The following THEMIS variants were observed in gnomAD, a reference collection of about 807,000 sequenced individuals.
THEMIS encodes protein THEMIS.
A neutral mutation model predicts 52.6 loss-of-function variants in THEMIS; 37 were observed. The ratio of observed to expected loss-of-function variants is 0.70; its 90% CI spans 0.54 to 0.93. THEMIS has a LOEUF of 0.93. Ranked by LOEUF, THEMIS falls within the 40% of genes least tolerant of loss-of-function variation. THEMIS has a pLI of 0.00. For synonymous variants in THEMIS, 292 were observed against 272.7 expected, an observed-to-expected ratio of 1.07 and a Z score of -0.70; for missense variants, 808 against 763.1, an observed-to-expected ratio of 1.06 and a Z score of -0.69.
intron 3 of THEMIS, among the ~76,000 whole-genome samples, chr6:127,824,925 A>AAAACAAACAAACAAAC (rs57655447): frequency 4.0e-5 from 6 of 151,214 alleles, no homozygotes; most frequent in South Asian, 2.1e-4. Flanking sequence ...ACTCCGTCTC[A>AAAACAAACAAACAAAC]AAACAAACAA....
chr6:127,765,528 A>C (rs1310250259), intron 4 of THEMIS, among the ~76,000 whole-genome samples: 1 of 152,280 alleles, frequency 6.6e-6, no homozygotes, highest in South Asian at 2.1e-4. Flanking sequence ...GCCAAATGTA[A>C]GGAACTACTA....
the THEMIS span, among the ~76,000 whole-genome samples, chr6:127,700,083 T>C: frequency 5.0e-4 from 76 of 151,940 alleles, no homozygotes; most frequent in African/African-American, 1.7e-3. Flanking sequence ...TTAATATTTA[T>C]ATACATATTT....
intron 4 of THEMIS, among the ~76,000 whole-genome samples, chr6:127,771,748 A>G (rs1333859216): frequency 6.6e-6 from 1 of 152,142 alleles, no homozygotes; most frequent in Admixed American, 6.5e-5. Flanking sequence ...CAAAGATGGG[A>G]TTATTTCAAG....
intron 5 of THEMIS, among the ~76,000 whole-genome samples, chr6:127,719,314 G>A (rs1583195493): frequency 6.6e-6 from 1 of 151,766 alleles, no homozygotes; most frequent in East Asian, 1.9e-4. Flanking sequence ...CTTATCTGAC[G>A]CTTCTTTAAA....
chr6:127,890,001 T>C (rs1780755289), intron 1 of THEMIS, among the ~76,000 whole-genome samples: 1 of 152,136 alleles, frequency 6.6e-6, no homozygotes, highest in Non-Finnish European at 1.5e-5. Context: ...CTTGTCATTG[T>C]CTGCGTACAA....
the THEMIS span, among the ~76,000 whole-genome samples, chr6:127,700,726 C>G: frequency 6.6e-6 from 1 of 152,016 alleles, no homozygotes; most frequent in Non-Finnish European, 1.5e-5. Flanking sequence ...AAACTGCACA[C>G]AGGGGATTCT....
intron 4 of THEMIS, among the ~76,000 whole-genome samples, chr6:127,783,658 G>C (rs561776535): frequency 5.3e-5 from 8 of 152,204 alleles, no homozygotes; most frequent in Non-Finnish European, 7.3e-5. Context: ...ATGGTGATTA[G>C]AGAAATGCAA....
intron 4 of THEMIS, among the ~76,000 whole-genome samples, chr6:127,732,520 C>G (rs1348650607): frequency 6.6e-6 from 1 of 152,100 alleles, no homozygotes; most frequent in Non-Finnish European, 1.5e-5. Flanking sequence ...ATTAGTAATC[C>G]CAGCAGCTCC....
intron 4 of THEMIS, among the ~76,000 whole-genome samples, chr6:127,786,441 G>T (rs1203133658): frequency 6.6e-6 from 1 of 152,006 alleles, no homozygotes; most frequent in Admixed American, 6.6e-5. Context: ...CCAAAATTTG[G>T]GAAAAATAAA....
At chr6:127,720,708 CATTAAAAGCTTG>C (rs1474173226) in intron 4 of THEMIS, among the ~76,000 whole-genome samples, 1 of 151,942 alleles carries the variant, frequency 6.6e-6, no homozygotes, top group African/African-American at 2.4e-5. Context: ...GCATGAAATT[CATTAAAAGCTTG>C]ATTTTATAAA....
chr6:127,899,165 A>T (rs990230383), intron 1 of THEMIS, among the ~76,000 whole-genome samples: 8 of 151,908 alleles, frequency 5.3e-5, no homozygotes, highest in Non-Finnish European at 1.0e-4. Context: ...TGAGGCAATG[A>T]ATAATATCCC....
Position 127,813,315 on chromosome 6 carries a change from T to C in THEMIS, c.1326A>G (p.Lys442=). The C allele has an allele frequency of 6.2e-7, 1 of 1,614,146 alleles. No individual in the cohort carries two copies. The highest frequency in any genetic ancestry group is 8.5e-7 in the Non-Finnish European group (1 of 1,180,018). ...TACAGAGCTCAGAAATCGGGTACTG[T>C]TTCTTATCATGAATCACCTCTACAA... is the stretch of plus-strand genomic sequence containing the variant. ...GGFVEVIHDK[K]QYPISELCKQ... Residue 442 remains lysine (K), a synonymous_variant, in exon 4 of 6, where the codon AAA becomes AAG. Transcript: ENST00000368248.
intron 1 of THEMIS, among the ~76,000 whole-genome samples, chr6:127,899,402 A>G (rs1464548265): frequency 6.6e-6 from 1 of 151,940 alleles, no homozygotes; most frequent in Admixed American, 6.6e-5. Flanking sequence ...GCAGCTAAGA[A>G]AAAAAATAAA....
Position 127,853,504 on chromosome 6 carries a change from G to A in THEMIS, c.250+1526C>T, listed in dbSNP as rs376770133. On this transcript the variant is annotated intron_variant, in intron 2 of 5. Transcript: ENST00000368248. ...TTTGAGAATCATTGTTATAAAAGAT[G>A]AGTAAGAAAGAAATAGAATTGAACA... 4.6e-5 allele frequency among the ~76,000 whole-genome samples: 7 copies of A among 151,716 alleles called. No homozygotes were observed. The East Asian group carries it at 1.2e-3, about 25-fold the overall frequency.
chr6:127,876,149 TCA>T (rs901005058), intron 1 of THEMIS, among the ~76,000 whole-genome samples: 1 of 152,170 alleles, frequency 6.6e-6, no homozygotes, highest in African/African-American at 2.4e-5. Flanking sequence ...TCCTCAGTTG[TCA>T]CAGAGTGGCA....
At chr6:127,739,931 G>A (rs1352324508) in intron 4 of THEMIS, among the ~76,000 whole-genome samples, 1 of 152,184 alleles carries the variant, frequency 6.6e-6, no homozygotes, top group Admixed American at 6.5e-5. Context: ...TCGCTGGCGT[G>A]CACTGTTGAA....
At chr6:127,859,980 T>C (rs994417647) in intron 1 of THEMIS, among the ~76,000 whole-genome samples, 4 of 152,146 alleles carry the variant, frequency 2.6e-5, no homozygotes, top group Admixed American at 6.6e-5. Flanking sequence ...AAAGGAAATG[T>C]TTAAGTGTAA....
At chr6:127,821,981 C>T (rs1279950586) in intron 3 of THEMIS, among the ~76,000 whole-genome samples, 6 of 151,958 alleles carry the variant, frequency 3.9e-5, no homozygotes, top group Admixed American at 1.3e-4. Flanking sequence ...AATTCTAGTG[C>T]TACAATTTCT....
At chr6:127,710,935 C>CTCCCTCCT (rs1773955666) in intron 5 of THEMIS, among the ~76,000 whole-genome samples, 1 of 150,458 alleles carries the variant, frequency 6.6e-6, no homozygotes, top group African/African-American at 2.4e-5. Flanking sequence ...GCCTGCCTCC[C>CTCCCTCCT]TCCCTCCTTC....
Sources: gnomAD v4.1 joint callset for allele counts (sites outside exome capture counted in the v4.1 genomes callset) on GRCh38, gnomAD v4.1.1 for gene constraint, MANE v1.5 for transcripts, NCBI Gene and HGNC (gene_info 2026-07-23, HGNC 2026-07-21) for gene names.